The following SLC17A5 variants were observed in gnomAD, a reference collection of about 807,000 sequenced individuals.
The protein encoded by SLC17A5 is solute carrier family 17 member 5.
In SLC17A5, 47 loss-of-function variants were observed where a neutral mutation model predicts 59.4. The ratio of observed to expected loss-of-function variants is 0.79; its 90% CI spans 0.63 to 1.01. The LOEUF (loss-of-function observed/expected upper bound fraction) is 1.01, where lower values mean the gene tolerates loss of function less well. SLC17A5 is among the 50% of genes least tolerant of loss of function. The probability of loss-of-function intolerance (pLI) is 0.00; values close to 1 mark genes in which losing one functional copy is unlikely to be tolerated. For missense variants in SLC17A5, 522 were observed against 595.5 expected (o/e 0.88, Z 1.28); for synonymous variants, 202 against 210.7 (o/e 0.96, Z 0.36).
chr6:73,602,164 T>A (rs1470150835), intron 9 of SLC17A5, among the ~76,000 whole-genome samples: 9 of 151,394 alleles, frequency 5.9e-5, no homozygotes, highest in South Asian at 2.1e-4. Context: ...CTCTGAAACA[T>A]GTGCTGTGTC....
rs556410733 is a variant in SLC17A5 at position 73,602,571 on chromosome 6, G to C, written c.1260-2130C>G. Among the ~76,000 whole-genome samples the C allele has an allele frequency of 2.0e-5, 3 of 152,192 alleles. No homozygotes were observed. The East Asian group carries it at 5.8e-4, about 29-fold the overall frequency. ...GGGTGGATCACGAGGTCAGGAGATC[G>C]AGACCATGCTGGCTAACATGGTGAA... On this transcript the variant is annotated intron_variant, in intron 9 of 10. Transcript: ENST00000355773.
chr6:73,630,804 C>A (rs72951364), intron 6 of SLC17A5, among the ~76,000 whole-genome samples: 6 of 152,092 alleles, frequency 3.9e-5, no homozygotes, highest in African/African-American at 1.4e-4. Context: ...ACAAGCACTT[C>A]GGGAGATGAA....
intron 7 of SLC17A5, among the ~76,000 whole-genome samples, chr6:73,618,015 A>T (rs9446947): frequency 0.16 from 24,621 of 152,022 alleles, 3,049 homozygotes; most frequent in African/African-American, 0.34. Flanking sequence ...GGATCACTTG[A>T]GGTCAGGAGT....
intron 8 of SLC17A5, among the ~76,000 whole-genome samples, chr6:73,614,335 T>C (rs888045155): frequency 3.3e-5 from 5 of 152,122 alleles, no homozygotes; most frequent in East Asian, 3.8e-4. Context: ...CATTTTGGGA[T>C]GCTGAGGCAG....
rs1318659460 is a variant in SLC17A5 at position 73,601,449 on chromosome 6, C to T, written c.1260-1008G>A. Among the ~76,000 whole-genome samples, 5 of 135,928 alleles carry T rather than the reference C, an allele frequency of 3.7e-5. No individual in the cohort carries two copies. In the South Asian group the frequency reaches 7.5e-4, roughly 20 times the overall value. 89.2% of individuals were successfully genotyped at this position (135,928 alleles called of 152,430 possible). The stretch of plus-strand genomic sequence containing the variant: ...CCCGCGCCCGGCCAGCCGCCCCGTC[C>T]GGGAGGGAGGTGGGGGGGTCAGCAC... On this transcript the variant is annotated intron_variant, in intron 9 of 10. Coordinates refer to ENST00000355773, the MANE Select transcript of SLC17A5 (RefSeq NM_012434.5).
At chr6:73,645,789 CAAAAAAAAAAAAA>C (rs58205870) in intron 1 of SLC17A5, among the ~76,000 whole-genome samples, 1 of 76,068 alleles carries the variant, frequency 1.3e-5, no homozygotes. Flanking sequence ...GACTCCGTCT[CAAAAAAAAAAAAA>C]AAAAAAAAAA....
At chr6:73,619,276 T>C (rs1768023655) in intron 7 of SLC17A5, among the ~76,000 whole-genome samples, 1 of 152,210 alleles carries the variant, frequency 6.6e-6, no homozygotes, top group African/African-American at 2.4e-5. Flanking sequence ...ATTTGCTCCA[T>C]GCAGGGTTAG....
At chr6:73,646,796 T>C (rs919883300) in intron 1 of SLC17A5, among the ~76,000 whole-genome samples, 5 of 152,178 alleles carry the variant, frequency 3.3e-5, no homozygotes, top group African/African-American at 1.2e-4. Context: ...CCTCAGCCTC[T>C]TGAGTAGCTG....
At chr6:73,644,641 A>G (rs1769453043) in intron 1 of SLC17A5, 38 bp from the exon 2 acceptor site, 2 of 1,560,562 alleles carry the variant, frequency 1.3e-6, no homozygotes, top group South Asian at 1.2e-5. Flanking sequence ...ATTTATTTTT[A>G]AATTTTTATT....
intron 9 of SLC17A5, among the ~76,000 whole-genome samples, chr6:73,600,792 C>T (rs1263742781): frequency 6.6e-6 from 1 of 152,152 alleles, no homozygotes; most frequent in African/African-American, 2.4e-5. Context: ...TGAGCCACAG[C>T]GCCTGGCTGC....
chr6:73,649,341 A>G (rs1440445039), intron 1 of SLC17A5, among the ~76,000 whole-genome samples: 1 of 152,130 alleles, frequency 6.6e-6, no homozygotes, highest in Non-Finnish European at 1.5e-5. Flanking sequence ...GGTGGCTCAC[A>G]CTCGTAATCC....
At chr6:73,600,644 G>A (rs1767015932) in intron 9 of SLC17A5, among the ~76,000 whole-genome samples, 1 of 151,882 alleles carries the variant, frequency 6.6e-6, no homozygotes, top group South Asian at 2.1e-4. Flanking sequence ...GGGGACTACA[G>A]GCATCCACCA....
chr6:73,637,066 G>A (rs1299778781), intron 4 of SLC17A5, among the ~76,000 whole-genome samples: 2 of 149,262 alleles, frequency 1.3e-5, no homozygotes, highest in Admixed American at 6.8e-5. Context: ...AGCCTGGAGT[G>A]AGACCCTGGC....
intron 9 of SLC17A5, among the ~76,000 whole-genome samples, chr6:73,608,630 T>C (rs1767505220): frequency 6.6e-6 from 1 of 152,196 alleles, no homozygotes; most frequent in Non-Finnish European, 1.5e-5. Flanking sequence ...ACTAAAAACA[T>C]CCTAAGCGAT....
intron 10 of SLC17A5, among the ~76,000 whole-genome samples, chr6:73,596,026 G>T (rs1461089837): frequency 6.6e-6 from 1 of 151,362 alleles, no homozygotes; most frequent in Non-Finnish European, 1.5e-5. Context: ...GGCTGGTCTT[G>T]AACTCCTGGG....
chr6:73,636,554 T>G (rs1007281922), intron 5 of SLC17A5, 67 bp downstream of exon 5: 2 of 897,586 alleles, frequency 2.2e-6, no homozygotes, highest in Admixed American at 3.6e-5. Flanking sequence ...TTTTAAAACA[T>G]TATTAGGCTA....
chr6:73,641,758 G>C lies in SLC17A5; in HGVS notation c.458C>G (p.Thr153Ser). The C allele has an allele frequency of 5.0e-6, 8 of 1,614,154 alleles. No homozygotes were observed. The highest frequency in any genetic ancestry group is 6.8e-6 in the Non-Finnish European group (8 of 1,180,014). ...ILGTAVLTLF[T>S]PIAADLGVGP... Reference sequence around the variant, plus strand: ...AACTCCTAAATCTGCAGCAATGGGAGTGAACAGGGTGAGGACAGCAGTGCC... The same window carrying C: ...AACTCCTAAATCTGCAGCAATGGGACTGAACAGGGTGAGGACAGCAGTGCC... Residue 153 changes from threonine (T) to serine (S), a missense_variant, in exon 3 of 11, where the codon ACT becomes AGT. Transcript: ENST00000355773.
At chr6:73,632,291 C>CAAAAAAAAAA (rs71000140) in intron 6 of SLC17A5, among the ~76,000 whole-genome samples, 1 of 63,754 alleles carries the variant, frequency 1.6e-5, no homozygotes. Context: ...GAGCTAGACT[C>CAAAAAAAAAA]AAAAAAAAAA....
intron 7 of SLC17A5, among the ~76,000 whole-genome samples, chr6:73,616,175 C>T (rs187675007): frequency 8.7e-4 from 132 of 152,214 alleles, no homozygotes; most frequent in Non-Finnish European, 1.6e-3. Context: ...TGAGCCACCG[C>T]ACCCGGCCTC....
Sources: gnomAD v4.1 joint callset for allele counts (sites outside exome capture counted in the v4.1 genomes callset) on GRCh38, gnomAD v4.1.1 for gene constraint, MANE v1.5 for transcripts, NCBI Gene and HGNC (gene_info 2026-07-23, HGNC 2026-07-21) for gene names.